Variants in DMD observed in about 807,000 individuals in gnomAD.
The protein encoded by DMD is mutant dystrophin.
In DMD, 63 loss-of-function variants were observed where a neutral mutation model predicts 330.1. That is an observed-to-expected ratio of 0.19 (90% CI 0.16 to 0.24). DMD has a LOEUF of 0.24. Ranked by LOEUF, DMD falls within the 10% of genes least tolerant of loss-of-function variation. The pLI, the probability that DMD is intolerant of heterozygous loss-of-function variation, is 1.00. For synonymous variants in DMD, 1,223 were observed against 959.8 expected (o/e 1.27, Z -5.07); for missense variants, 3,344 against 2,684.1 (o/e 1.25, Z -5.43).
intron 44 of DMD, among the ~76,000 whole-genome samples, chrX:32,212,121 C>T (rs770033696): frequency 4.5e-5 from 5 of 111,922 alleles, no homozygotes; most frequent in Non-Finnish European, 9.4e-5. Flanking sequence ...TTGAAAACTC[C>T]CATTAACATT....
chrX:31,961,182 A>G (rs1020161114), intron 45 of DMD, among the ~76,000 whole-genome samples: 1 of 112,276 alleles, frequency 8.9e-6, no homozygotes, highest in African/African-American at 3.2e-5. Context: ...AAGAATACCT[A>G]AAATATTATT....
intron 70 of DMD, 111 bp downstream of exon 70, chrX:31,178,558 A>C (rs1030895895): frequency 9.5e-7 from 1 of 1,057,312 alleles, no homozygotes; most frequent in Non-Finnish European, 1.2e-6. Flanking sequence ...GTAAATAAAA[A>C]GAAAGAAATA....
intron 29 of DMD, among the ~76,000 whole-genome samples, chrX:32,413,102 C>A (rs757532610): frequency 9.0e-6 from 1 of 110,784 alleles, no homozygotes; most frequent in East Asian, 2.9e-4. Context: ...GCTTTCCTTT[C>A]TTCTCATTCT....
At chrX:32,018,283 A>G (rs1261440360) in intron 44 of DMD, among the ~76,000 whole-genome samples, 1 of 111,693 alleles carries the variant, frequency 9.0e-6, no homozygotes, top group East Asian at 2.8e-4. Context: ...TTCACATTCA[A>G]GCTCCTCAGG....
At chrX:31,339,821 C>T (rs184618141) in intron 61 of DMD, among the ~76,000 whole-genome samples, 1 of 112,206 alleles carries the variant, frequency 8.9e-6, no homozygotes, top group East Asian at 2.8e-4. Flanking sequence ...GTGATCTGCC[C>T]GCCTCGGCCT....
intron 7 of DMD, among the ~76,000 whole-genome samples, chrX:32,761,627 C>T (rs973731251): frequency 9.0e-6 from 1 of 111,466 alleles, no homozygotes; most frequent in African/African-American, 3.3e-5. Context: ...ATGGCGAGTG[C>T]AGCTCCAGAC....
intron 2 of DMD, among the ~76,000 whole-genome samples, chrX:32,868,519 C>G (rs763992320): frequency 1.8e-5 from 2 of 112,340 alleles, no homozygotes; most frequent in East Asian, 5.7e-4. Context: ...GTAGGGAGGG[C>G]AGCAGCCATC....
chrX:32,708,059 A>C (rs1389648104), intron 7 of DMD, among the ~76,000 whole-genome samples: 1 of 111,999 alleles, frequency 8.9e-6, no homozygotes, highest in Non-Finnish European at 1.9e-5. Context: ...GCTAACATAA[A>C]ATAGTCTATT....
chrX:32,870,098 C>A (rs1484805795), intron 2 of DMD, among the ~76,000 whole-genome samples: 9 of 111,761 alleles, frequency 8.1e-5, no homozygotes, highest in Non-Finnish European at 1.5e-4. Context: ...TCAGCAAAGT[C>A]TCAGGATACA....
rs566353447 is a variant in DMD, at chrX:31,913,204, T to C, written c.6912+16392A>G. 5.3e-5 allele frequency among the ~76,000 whole-genome samples: 6 copies of C among 112,197 alleles called. No individual in the cohort carries two copies. The South Asian group carries it at 2.2e-3, about 42-fold the overall frequency. On this transcript the variant is annotated intron_variant, in intron 47 of 78. Coordinates refer to ENST00000357033, the MANE Select transcript of DMD (RefSeq NM_004006.3). ...ATTATGAGAAATCGTAAAACTATCT[T>C]ATTTTAAGCCAGTAACTTTTAGAGT... is the stretch of plus-strand genomic sequence containing the variant.
At chrX:33,082,812 G>C (rs191796043) in intron 1 of DMD, among the ~76,000 whole-genome samples, 1 of 112,105 alleles carries the variant, frequency 8.9e-6, no homozygotes, top group African/African-American at 3.2e-5. Flanking sequence ...GGGACCTGTA[G>C]CAAAGTTTGT....
chrX:32,243,955 CTT>C (rs145842581), intron 43 of DMD, among the ~76,000 whole-genome samples: 25 of 101,576 alleles, frequency 2.5e-4, no homozygotes, highest in South Asian at 9.2e-4. Context: ...GAGGAACGAA[CTT>C]TTTTTTTTTT....
chrX:32,742,247 T>A (rs961872198), intron 7 of DMD, among the ~76,000 whole-genome samples: 1 of 112,294 alleles, frequency 8.9e-6, no homozygotes, highest in African/African-American at 3.2e-5. Context: ...ATATGTCTTT[T>A]ATTTTTAGGA....
chrX:32,632,552 G>T (rs1388527574), intron 11 of DMD, among the ~76,000 whole-genome samples: 1 of 112,611 alleles, frequency 8.9e-6, no homozygotes, highest in Non-Finnish European at 1.9e-5. Context: ...GCAGGCTTCT[G>T]CCTGGAAACC....
At chrX:32,527,445 C>CCTA (rs1461469400) in intron 17 of DMD, among the ~76,000 whole-genome samples, 15 of 110,430 alleles carry the variant, frequency 1.4e-4, no homozygotes, top group African/African-American at 4.9e-4. Flanking sequence ...TTGAAGATGA[C>CCTA]CTACTATTCA....
chrX:32,940,544 G>A (rs1485277749), intron 2 of DMD, among the ~76,000 whole-genome samples: 2 of 111,373 alleles, frequency 1.8e-5, no homozygotes, highest in Non-Finnish European at 3.8e-5. Context: ...CAACAAAGTT[G>A]ACAAAAATAA....
At chrX:32,896,012 G>A (rs1356240455) in intron 2 of DMD, among the ~76,000 whole-genome samples, 1 of 111,477 alleles carries the variant, frequency 9.0e-6, no homozygotes, top group Non-Finnish European at 1.9e-5. Flanking sequence ...TTAAATGAAT[G>A]ATCACGGCTG....
At chrX:31,175,926 C>T (rs1033498910) in intron 71 of DMD, among the ~76,000 whole-genome samples, 1 of 111,362 alleles carries the variant, frequency 9.0e-6, no homozygotes, top group African/African-American at 3.3e-5. Context: ...ATATGACAAA[C>T]ACAAGCAAAT....
At chrX:31,691,958 C>T (rs754982111) in intron 52 of DMD, among the ~76,000 whole-genome samples, 69 of 111,742 alleles carry the variant, frequency 6.2e-4, no homozygotes, top group Non-Finnish European at 1.2e-3. Context: ...GTGCCCTGAA[C>T]AGTAGGAAAA....
Sources: allele counts gnomAD v4.1 joint callset (sites outside exome capture counted in the v4.1 genomes callset), GRCh38; gene constraint gnomAD v4.1.1; transcripts MANE v1.5; gene names NCBI Gene and HGNC (gene_info 2026-07-23, HGNC 2026-07-21).